BPIFA2: variants seen among roughly 807,000 people sequenced by gnomAD.
BPIFA2 encodes BPI fold-containing family A member 2.
Under a neutral mutation model 25.7 loss-of-function variants are expected in BPIFA2, and 20 were observed. The observed-to-expected ratio is 0.78, with a 90% CI of 0.55 to 1.13. The LOEUF (loss-of-function observed/expected upper bound fraction) is 1.13, where lower values mean the gene tolerates loss of function less well. Ranked by LOEUF, BPIFA2 falls within the 50% of genes most tolerant of loss-of-function variation. The pLI, the probability that BPIFA2 is intolerant of heterozygous loss-of-function variation, is 0.00. For missense variants in BPIFA2, 300 were observed against 298.1 expected (o/e 1.01, Z -0.05); for synonymous variants, 126 against 124.3 (o/e 1.01, Z -0.09).
intron 5 of BPIFA2, 76 bp from the exon 6 acceptor site, chr20:33,178,071 C>T: frequency 1.8e-6 from 2 of 1,105,152 alleles, no homozygotes; most frequent in Non-Finnish European, 1.3e-6. Flanking sequence ...ATTTCCCGCA[C>T]CGCCCCCAAC....
Position 33,175,533 on chromosome 20 carries a change from C to A in BPIFA2, c.537C>A (p.Thr179=). 1 of 1,614,104 alleles carries A rather than the reference C, an allele frequency of 6.2e-7. No homozygotes were observed. The highest frequency in any genetic ancestry group is 8.5e-7 in the Non-Finnish European group (1 of 1,179,998). ...AVLGECASDP[T]SISLSLLDKH... ...TGGGAGAATGCGCCAGTGACCCAAC[C>A]AGCATCTCACTTTCCTTGCTGGACA... The change falls in exon 5 of 9, where the codon ACC becomes ACA. Residue 179 remains threonine (T), a synonymous_variant. Transcript: ENST00000354932.
At chr20:33,175,702 A>C in intron 5 of BPIFA2, 143 bp downstream of exon 5, 1 of 857,956 alleles carries the variant, frequency 1.2e-6, no homozygotes. Flanking sequence ...TTTACACATC[A>C]GCTCTGCCAC....
At chr20:33,166,488 T>C (rs373234497), upstream of BPIFA2, among the ~76,000 whole-genome samples, 2 of 152,330 alleles carry the variant, frequency 1.3e-5, no homozygotes, top group Admixed American at 6.5e-5. Flanking sequence ...TAAGCCTTCA[T>C]GGGTATTACA....
intron 6 of BPIFA2, among the ~76,000 whole-genome samples, 190 bp downstream of exon 6, chr20:33,178,418 A>C (rs1984159614): frequency 6.6e-6 from 1 of 152,188 alleles, no homozygotes; most frequent in Non-Finnish European, 1.5e-5. Context: ...GCCTGACATT[A>C]GCTGAAATTG....
At chr20:33,166,485 T>A (rs185615091), upstream of BPIFA2, among the ~76,000 whole-genome samples, 8 of 152,334 alleles carry the variant, frequency 5.3e-5, no homozygotes, top group Non-Finnish European at 1.0e-4. Context: ...TGCTAAGCCT[T>A]CATGGGTATT....
At chr20:33,167,332 C>T (rs1983755200), upstream of BPIFA2, among the ~76,000 whole-genome samples, 1 of 152,170 alleles carries the variant, frequency 6.6e-6, no homozygotes, top group African/African-American at 2.4e-5. Flanking sequence ...ATGCAGCAGG[C>T]GTTACAACCA....
At chr20:33,178,005 G>A (rs1984140470) in intron 5 of BPIFA2, 142 bp from the exon 6 acceptor site, 1 of 572,830 alleles carries the variant, frequency 1.7e-6, no homozygotes, top group Admixed American at 3.3e-5. Context: ...ATGTGGATGG[G>A]AGGCTCTGTC....
chr20:33,171,072 G>A (rs550928473), intron 2 of BPIFA2, among the ~76,000 whole-genome samples: 2 of 152,088 alleles, frequency 1.3e-5, no homozygotes, highest in South Asian at 4.1e-4. Flanking sequence ...TGAAGTTTCT[G>A]TTCTGTTCCA....
intron 4 of BPIFA2, 88 bp downstream of exon 4, chr20:33,174,274 G>A (rs987207078): frequency 6.3e-5 from 73 of 1,161,434 alleles, no homozygotes; most frequent in East Asian, 9.6e-5. Flanking sequence ...ACCTCCTCCC[G>A]CTGCTGGGTG....
At chr20:33,168,596 C>T (rs185809429) in intron 1 of BPIFA2, among the ~76,000 whole-genome samples, 70 of 152,284 alleles carry the variant, frequency 4.6e-4, no homozygotes, top group African/African-American at 1.6e-3. Flanking sequence ...CTGTACTGTA[C>T]TAGGTGCAGG....
At chr20:33,163,718 C>T (rs895355946), upstream of BPIFA2, among the ~76,000 whole-genome samples, 4 of 151,918 alleles carry the variant, frequency 2.6e-5, no homozygotes, top group East Asian at 1.9e-4. Context: ...GCTACTCGGG[C>T]GGCTGAGGCA....
chr20:33,168,337 A>G (rs544041878), intron 1 of BPIFA2, 128 bp downstream of exon 1: 1 of 156,506 alleles, frequency 6.4e-6, no homozygotes, highest in South Asian at 1.9e-4. Flanking sequence ...TAATCAATAT[A>G]TCTCTAAATG....
intron 1 of BPIFA2, among the ~76,000 whole-genome samples, chr20:33,162,061 A>T (rs1278667121): frequency 6.6e-6 from 1 of 151,864 alleles, no homozygotes; most frequent in Admixed American, 6.6e-5. Flanking sequence ...GCTCACTTCA[A>T]CCTCTGCTTC....
upstream of BPIFA2, among the ~76,000 whole-genome samples, chr20:33,167,816 G>A (rs1211683831): frequency 1.3e-5 from 2 of 152,170 alleles, no homozygotes; most frequent in East Asian, 3.9e-4. Context: ...AGTTAGACCG[G>A]ATGGTCATTA....
intron 4 of BPIFA2, among the ~76,000 whole-genome samples, chr20:33,174,870 C>G (rs571076921): frequency 6.6e-6 from 1 of 152,288 alleles, no homozygotes; most frequent in South Asian, 2.1e-4. Context: ...GTGATTGCAC[C>G]ACTGCATTCC....
upstream of BPIFA2, among the ~76,000 whole-genome samples, chr20:33,166,178 G>T (rs564852103): frequency 1.3e-5 from 2 of 151,884 alleles, no homozygotes; most frequent in South Asian, 2.1e-4. Flanking sequence ...CCCCACACCC[G>T]GCTAGATTTT....
chr20:33,164,997 G>T (rs1260096981), upstream of BPIFA2, among the ~76,000 whole-genome samples: 1 of 152,274 alleles, frequency 6.6e-6, no homozygotes, highest in Non-Finnish European at 1.5e-5. Flanking sequence ...CTTGAGAGGG[G>T]TCTATTAGTG....
chr20:33,178,920 G>A (rs1984177159), intron 6 of BPIFA2, among the ~76,000 whole-genome samples: 1 of 152,196 alleles, frequency 6.6e-6, no homozygotes. Context: ...TGTACACACA[G>A]GAGCAAGAGA....
chr20:33,172,570 G>T (rs1248313459), intron 2 of BPIFA2, among the ~76,000 whole-genome samples: 2 of 152,018 alleles, frequency 1.3e-5, no homozygotes, highest in African/African-American at 2.4e-5. Flanking sequence ...ACTCACGTGA[G>T]CATCTCACTT....
Sources: allele counts gnomAD v4.1 joint callset (sites outside exome capture counted in the v4.1 genomes callset), GRCh38; gene constraint gnomAD v4.1.1; transcripts MANE v1.5; gene names NCBI Gene and HGNC (gene_info 2026-07-23, HGNC 2026-07-21).